OXCT1: variants seen among roughly 807,000 people sequenced by gnomAD.
OXCT1 encodes 3-oxoacid CoA-transferase 1.
OXCT1 carries 27 observed loss-of-function variants against 69.6 expected under a neutral mutation model. The ratio of observed to expected loss-of-function variants is 0.39; its 90% CI spans 0.29 to 0.54. The LOEUF (loss-of-function observed/expected upper bound fraction) is 0.54. Among genes scored for constraint, OXCT1 ranks in the 20% least tolerant of loss-of-function variants. The probability of loss-of-function intolerance (pLI) is 0.72; values close to 1 mark genes in which losing one functional copy is unlikely to be tolerated. For missense variants in OXCT1, 437 were observed against 650.2 expected, an observed-to-expected ratio of 0.67 and a Z score of 3.57; for synonymous variants, 202 against 217.8, an observed-to-expected ratio of 0.93 and a Z score of 0.64.
intron 13 of OXCT1, among the ~76,000 whole-genome samples, chr5:41,784,999 A>T (rs920226673): frequency 6.6e-6 from 1 of 152,188 alleles, no homozygotes; most frequent in Non-Finnish European, 1.5e-5. Context: ...CATGTTTTCC[A>T]GATAGTCATA....
chr5:41,755,814 T>C (rs927351574), intron 14 of OXCT1, among the ~76,000 whole-genome samples: 3 of 152,062 alleles, frequency 2.0e-5, no homozygotes, highest in South Asian at 2.1e-4. Context: ...GAAAGGTAAA[T>C]ATAAAAGGTC....
Position 41,842,873 on chromosome 5 carries a change from G to A in OXCT1, c.565-92C>T, listed in dbSNP as rs924710666. On this transcript the variant is annotated intron_variant, in intron 5 of 16. Transcript: ENST00000196371. The stretch of plus-strand genomic sequence containing the variant: ...ATAGAGGTAGATAATAAGGATACAA[G>A]CCTACTGAGGGAAAATTTCTCAGAG... 5.7e-6 allele frequency: 5 copies of A among 877,906 alleles called. No homozygotes were observed. In the African/African-American group the frequency reaches 6.6e-5, roughly 12 times the overall value. 54.4% of individuals were successfully genotyped at this position (877,906 alleles called of 1,614,324 possible).
intron 4 of OXCT1, among the ~76,000 whole-genome samples, chr5:41,851,874 C>T (rs571157821): frequency 7.6e-4 from 115 of 152,236 alleles, no homozygotes; most frequent in Admixed American, 2.2e-3. Flanking sequence ...TGCTATGGAC[C>T]GAACTGTGTT....
chr5:41,849,774 GT>G (rs1234807139), intron 5 of OXCT1, among the ~76,000 whole-genome samples: 1 of 152,152 alleles, frequency 6.6e-6, no homozygotes, highest in East Asian at 1.9e-4. Flanking sequence ...CATAAAATCA[GT>G]TCAAGTAACT....
At chr5:41,739,579 G>A (rs568287463) in intron 15 of OXCT1, 88 bp from the exon 16 acceptor site, 3 of 1,034,538 alleles carry the variant, frequency 2.9e-6, no homozygotes, top group African/African-American at 3.1e-5. Flanking sequence ...TCGCAAGTTC[G>A]ACGAGGTCGG....
rs1743322960 is a variant in OXCT1 at position 41,743,811 on chromosome 5, A to C, written c.1420-4320T>G. 1.3e-5 allele frequency among the ~76,000 whole-genome samples: 2 copies of C among 152,136 alleles called. 1 individual carries two copies. The highest frequency in any genetic ancestry group is 4.1e-4 in the South Asian group (2 of 4,820). ...TTGTACATATGTGGCATTATTTCTG[A>C]GGGCTCTGTTCTGTTCCATTGGTCT... On this transcript the variant is annotated intron_variant, in intron 15 of 16. Coordinates refer to ENST00000196371, the MANE Select transcript of OXCT1 (RefSeq NM_000436.4).
intron 15 of OXCT1, among the ~76,000 whole-genome samples, chr5:41,744,066 T>A (rs1458538853): frequency 6.6e-6 from 1 of 152,214 alleles, no homozygotes; most frequent in East Asian, 1.9e-4. Context: ...TAAATTACCT[T>A]GGGCAGTATG....
intron 13 of OXCT1, among the ~76,000 whole-genome samples, chr5:41,767,734 A>G (rs898221238): frequency 1.1e-5 from 1 of 93,336 alleles, no homozygotes; most frequent in Admixed American, 1.1e-4. Context: ...ATATATATAT[A>G]TATATATATA....
At chr5:41,742,813 C>A (rs1024769916) in intron 15 of OXCT1, among the ~76,000 whole-genome samples, 4 of 152,122 alleles carry the variant, frequency 2.6e-5, no homozygotes, top group African/African-American at 7.2e-5. Flanking sequence ...TGAACTCATC[C>A]TTTTTTATGG....
chr5:41,862,618 C>CA (rs750020308), intron 2 of OXCT1, 24 bp downstream of exon 2: 1 of 1,225,002 alleles, frequency 8.2e-7, no homozygotes, highest in Admixed American at 1.7e-5. Flanking sequence ...ATTACCATAA[C>CA]ATGAAAACAG....
chr5:41,853,383 A>T, intron 4 of OXCT1, 36 bp downstream of exon 4: 2 of 1,586,822 alleles, frequency 1.3e-6, no homozygotes, highest in Non-Finnish European at 1.7e-6. Flanking sequence ...TTTTTAAAGT[A>T]AGTTAGTATT....
At chr5:41,733,216 G>C (rs1249190877) in intron 16 of OXCT1, among the ~76,000 whole-genome samples, 1 of 150,162 alleles carries the variant, frequency 6.7e-6, no homozygotes, top group Non-Finnish European at 1.5e-5. Flanking sequence ...TTAAACAACA[G>C]AGCATCTGTG....
At chr5:41,808,273 T>A (rs1416441218) in intron 7 of OXCT1, among the ~76,000 whole-genome samples, 1 of 152,056 alleles carries the variant, frequency 6.6e-6, no homozygotes, top group Non-Finnish European at 1.5e-5. Context: ...TACACACCTT[T>A]AAGTTGTGAG....
At chr5:41,750,135 G>GTTTTTTTTTT (rs11291155) in intron 14 of OXCT1, among the ~76,000 whole-genome samples, 104 of 73,890 alleles carry the variant, frequency 1.4e-3, no homozygotes, top group Non-Finnish European at 1.5e-3. Context: ...GTGTTTTTTG[G>GTTTTTTTTTT]TTTTTTTTTT....
intron 13 of OXCT1, among the ~76,000 whole-genome samples, chr5:41,769,130 C>A (rs747552952): frequency 2.0e-5 from 3 of 152,188 alleles, no homozygotes; most frequent in African/African-American, 4.8e-5. Context: ...CCTCTCACAG[C>A]ATACTTGCAT....
rs1746100943 is a variant in OXCT1, at chr5:41,794,867, T to C, written c.1100-118A>G. 46 of 1,038,066 alleles carry C rather than the reference T, an allele frequency of 4.4e-5. No individual in the cohort carries two copies. In the South Asian group the frequency reaches 6.0e-4, roughly 14 times the overall value. 64.3% of individuals were successfully genotyped at this position (1,038,066 alleles called of 1,614,324 possible). A position where few individuals can be genotyped will look rare whatever the true frequency, so the allele number is the denominator to read the frequency against. On this transcript the variant is annotated intron_variant, in intron 11 of 16. Transcript: ENST00000196371. ...AGAACTTAAGCTCCCTTTACCAAAA[T>C]GCAGTGACATAGCAGGTGGGGGGAC...
At chr5:41,828,848 G>T (rs1054699008) in intron 7 of OXCT1, among the ~76,000 whole-genome samples, 2 of 152,092 alleles carry the variant, frequency 1.3e-5, no homozygotes, top group Admixed American at 6.6e-5. Context: ...TTCTGTGAAG[G>T]ATTAAATAAT....
chr5:41,800,932 T>G, intron 11 of OXCT1, 90 bp downstream of exon 11: 1 of 1,122,726 alleles, frequency 8.9e-7, no homozygotes, highest in Non-Finnish European at 1.4e-6. Flanking sequence ...TGGAGTGCTC[T>G]CCAGGAAAAG....
chr5:41,859,358 A>G (rs1749611619), intron 3 of OXCT1, among the ~76,000 whole-genome samples: 1 of 152,206 alleles, frequency 6.6e-6, no homozygotes, highest in African/African-American at 2.4e-5. Flanking sequence ...AAAGAGAAAA[A>G]TATCTGCTAG....
Sources: gnomAD v4.1 joint callset for allele counts (sites outside exome capture counted in the v4.1 genomes callset) on GRCh38, gnomAD v4.1.1 for gene constraint, MANE v1.5 for transcripts, NCBI Gene and HGNC (gene_info 2026-07-23, HGNC 2026-07-21) for gene names.